The following LY6K variants were observed in gnomAD, a reference collection of about 807,000 sequenced individuals.
LY6K encodes lymphocyte antigen 6K.
Under a neutral mutation model 10.4 loss-of-function variants are expected in LY6K, and 9 were observed. The observed-to-expected ratio is 0.87, with a 90% CI of 0.52 to 1.52. The LOEUF is 1.52. Ranked by LOEUF, LY6K falls within the 40% of genes most tolerant of loss-of-function variation. The pLI, the probability that LY6K is intolerant of heterozygous loss-of-function variation, is 0.00. For synonymous variants in LY6K, 98 were observed against 83.7 expected (o/e 1.17, Z -0.94); for missense variants, 217 against 211.7 (o/e 1.02, Z -0.15).
In LY6K at chr8:142,705,025, G is replaced by C. The variant is rs1242591666; in HGVS notation, c.*1654G>C. Reference sequence around the variant, plus strand: ...TCCTCTTAAATTAGGGCACAAACAAGATGAATTGTTTCCTCACAGACTGAT... The same window carrying C: ...TCCTCTTAAATTAGGGCACAAACAACATGAATTGTTTCCTCACAGACTGAT... On this transcript the variant is annotated 3_prime_UTR_variant, in exon 3 of 3. Transcript: ENST00000292430. 1 of 152,226 alleles carries C rather than the reference G, an allele frequency of 6.6e-6. No homozygotes were observed. Among genetic ancestry groups the C allele is most frequent in the Non-Finnish European group, 1.5e-5 (1 of 68,046 alleles). 9.4% of individuals were successfully genotyped at this position (152,226 alleles called of 1,614,324 possible). A position where few individuals can be genotyped will look rare whatever the true frequency, so the allele number is the denominator to read the frequency against.
chr8:142,700,433 C>T lies in LY6K; in HGVS notation c.-95C>T. On this transcript the variant is annotated 5_prime_UTR_variant, in exon 1 of 3. Transcript: ENST00000292430. ...GGCGGGCGGGGCTCCCCCTACCGGC[C>T]AGACCCGGGGAGAGGCGCGCGGAGG... 1 of 1,428,686 alleles carries T rather than the reference C, an allele frequency of 7.0e-7. No homozygotes were observed. The highest frequency in any genetic ancestry group is 9.2e-7 in the Non-Finnish European group (1 of 1,091,560). The allele number at this position is 1,428,686 out of a possible 1,614,324, so 88.5% of individuals were successfully genotyped here.
At chr8:142,701,810 A>C in intron 2 of LY6K, 97 bp downstream of exon 2, 1 of 744,100 alleles carries the variant, frequency 1.3e-6, no homozygotes, top group Non-Finnish European at 2.3e-6. Context: ...GGAATAACTA[A>C]TAGAAAGTAG....
chr8:142,700,689 G>T, intron 1 of LY6K, 59 bp downstream of exon 1: 2 of 1,368,510 alleles, frequency 1.5e-6, no homozygotes, highest in Non-Finnish European at 9.5e-7. Flanking sequence ...GGCGGCGTCT[G>T]CCTGGCACCG....
intron 2 of LY6K, chr8:142,702,294 C>T (rs587704773): frequency 3.2e-5 from 18 of 567,756 alleles, no homozygotes; most frequent in East Asian, 8.4e-5. Context: ...GTGTTAAATG[C>T]GCCACAGAGA....
rs144808414 is a variant in LY6K at position 142,703,424 on chromosome 8, C to T, written c.*53C>T. On this transcript the variant is annotated 3_prime_UTR_variant, in exon 3 of 3. Transcript: ENST00000292430. ...TCCGGAGCATGGACTCGCTCCAGAC[C>T]GTTGTCACCTGTTGCATTAAACTTG... 2.5e-4 allele frequency: 387 copies of T among 1,551,598 alleles called. No homozygotes were observed. In the African/African-American group the frequency reaches 4.4e-3, roughly 18 times the overall value.
Position 142,700,603 on chromosome 8 carries a change from C to A in LY6K, c.76C>A (p.Arg26=), listed in dbSNP as rs782616918. ...WTDANLTARQ[R]DPEDSQRTDE... is the part of the protein sequence containing the mutation. ...AGACGCCAACCTGACTGCGAGACAACGAGATCCAGAGGACTCCCAGCGAAC... is the reference window on the plus strand; with the variant it reads ...AGACGCCAACCTGACTGCGAGACAAAGAGATCCAGAGGACTCCCAGCGAAC... Residue 26 remains arginine, a synonymous_variant, in exon 1 of 3, where the codon CGA becomes AGA. Transcript: ENST00000292430. 1.3e-6 allele frequency: 2 copies of A among 1,572,322 alleles called. No homozygotes were observed. The highest frequency in any genetic ancestry group is 2.5e-5 in the East Asian group (1 of 40,216).
At chr8:142,701,955 G>A (rs1241228432) in intron 2 of LY6K, 4 of 433,044 alleles carry the variant, frequency 9.2e-6, no homozygotes, top group African/African-American at 2.0e-5. Flanking sequence ...TATTATGGAT[G>A]CGCGCCACCA....
At chr8:142,700,666 G>A in intron 1 of LY6K, 36 bp downstream of exon 1, 4 of 1,454,686 alleles carry the variant, frequency 2.7e-6, no homozygotes, top group Non-Finnish European at 3.6e-6. Context: ...CACGGGCCGA[G>A]AGGACAGGGC....
chr8:142,701,477 C>A, intron 1 of LY6K, 123 bp from the exon 2 acceptor site: 1 of 675,374 alleles, frequency 1.5e-6, no homozygotes, highest in Non-Finnish European at 2.7e-6. Flanking sequence ...GTGGCCCCAG[C>A]CACTGCTCAG....
chr8:142,703,516 C>G lies in LY6K; in HGVS notation c.*145C>G. On this transcript the variant is annotated 3_prime_UTR_variant, in exon 3 of 3. Transcript: ENST00000292430. ...GGGATGGGAGAGTGGGGATCAGGTG[C>G]AGTTGGCTCTTAACCCTCAAGGGTT... The G allele has an allele frequency of 1.0e-6, 1 of 955,414 alleles. No individual in the cohort carries two copies. The highest frequency in any genetic ancestry group is 1.5e-6 in the Non-Finnish European group (1 of 660,850). The allele number at this position is 955,414 out of a possible 1,614,324, so 59.2% of individuals were successfully genotyped here. A position where few individuals can be genotyped will look rare whatever the true frequency, so the allele number is the denominator to read the frequency against.
rs781941545 is a variant in LY6K, at chr8:142,700,566, G to A, written c.39G>A (p.Pro13=). 6.3e-7 allele frequency: 1 copy of A among 1,588,462 alleles called. No homozygotes were observed. Among genetic ancestry groups the A allele is most frequent in the Admixed American group, 1.7e-5 (1 of 57,768 alleles). ...LLALLLVVAL[P]RVWTDANLTA... ...CCTTGCTGCTGGTCGTGGCCCTACC[G>A]CGGGTGTGGACAGACGCCAACCTGA... Residue 13 remains proline, a synonymous_variant, in exon 1 of 3, where the codon CCG becomes CCA. Coordinates refer to ENST00000292430, the MANE Select transcript of LY6K (RefSeq NM_017527.4).
intron 2 of LY6K, 106 bp from the exon 3 acceptor site, chr8:142,702,985 T>C (rs1318367007): frequency 6.4e-7 from 1 of 1,561,050 alleles, no homozygotes; most frequent in Non-Finnish European, 8.7e-7. Context: ...ACTGTGCACC[T>C]TTGAGCAGGG....
chr8:142,700,659 G>A lies in LY6K; in HGVS notation c.103+29G>A, dbSNP rs1343373045. The A allele has an allele frequency of 6.8e-6, 10 of 1,463,922 alleles. No homozygotes were observed. In the Admixed American group the frequency reaches 1.7e-4, roughly 25 times the overall value. The allele number at this position is 1,463,922 out of a possible 1,614,324, so 90.7% of individuals were successfully genotyped here. ...AGCCTGGCTCGCCCTCCACAGCCAC[G>A]GGCCGAGAGGACAGGGCCGGGCGGC... On this transcript the variant is annotated intron_variant, in intron 1 of 2. Coordinates refer to ENST00000292430, the MANE Select transcript of LY6K (RefSeq NM_017527.4).
At chr8:142,701,800 G>C (rs1815047321) in intron 2 of LY6K, 87 bp downstream of exon 2, 1 of 806,212 alleles carries the variant, frequency 1.2e-6, no homozygotes, top group African/African-American at 1.8e-5. Flanking sequence ...TCCTCAATGG[G>C]GAATAACTAA....
intron 2 of LY6K, 68 bp from the exon 3 acceptor site, chr8:142,703,023 C>T (rs781978449): frequency 6.3e-7 from 1 of 1,595,356 alleles, no homozygotes; most frequent in Non-Finnish European, 8.6e-7. Context: ...TTGACCCAGA[C>T]AGAAGGGCCT....
At position 142,702,870 on chromosome 8, in the gene LY6K, C is replaced by T. The variant is rs1228789369; in HGVS notation, c.218-221C>T. 1.9e-6 allele frequency: 3 copies of T among 1,545,434 alleles called. No individual in the cohort carries two copies. In the African/African-American group the frequency reaches 4.1e-5, roughly 21 times the overall value. On this transcript the variant is annotated intron_variant, in intron 2 of 2. Coordinates refer to ENST00000292430, the MANE Select transcript of LY6K (RefSeq NM_017527.4). ...AACCCCTAGACCCGCATTCCCAGTG[C>T]ATATGGACAGGCCATACCACGCAGA...
chr8:142,702,445 G>A, intron 2 of LY6K: 1 of 1,518,578 alleles, frequency 6.6e-7, no homozygotes, highest in Non-Finnish European at 8.8e-7. Flanking sequence ...AAACCTCTGG[G>A]TACATGAAGC....
At chr8:142,700,914 C>T (rs939285285) in intron 1 of LY6K, among the ~76,000 whole-genome samples, 21 of 152,086 alleles carry the variant, frequency 1.4e-4, no homozygotes, top group Non-Finnish European at 2.6e-4. Context: ...GGGGGCTTCA[C>T]GGGCTGAGAA....
chr8:142,701,462 G>T, intron 1 of LY6K, 138 bp from the exon 2 acceptor site: 1 of 649,202 alleles, frequency 1.5e-6, no homozygotes, highest in Admixed American at 2.3e-5. Flanking sequence ...GCTCACTCGA[G>T]TCATGTGGCC....
Sources: gnomAD v4.1 joint callset for allele counts (sites outside exome capture counted in the v4.1 genomes callset) on GRCh38, gnomAD v4.1.1 for gene constraint, MANE v1.5 for transcripts, NCBI Gene and HGNC (gene_info 2026-07-23, HGNC 2026-07-21) for gene names.